Variants in WDR27 observed in about 807,000 individuals in gnomAD.
WDR27 encodes the protein WD repeat-containing protein 27.
In WDR27, 100 loss-of-function variants were observed where a neutral mutation model predicts 114.4. The observed-to-expected ratio is 0.87, with a 90% confidence interval of 0.74 to 1.03. The LOEUF is 1.03. WDR27 is among the 50% of genes least tolerant of loss of function. The pLI is 0.00. For synonymous variants in WDR27, 449 were observed against 423.1 expected, an observed-to-expected ratio of 1.06 and a Z score of -0.75; for missense variants, 1,129 against 1,092.9, an observed-to-expected ratio of 1.03 and a Z score of -0.47.
rs1474521503 is a variant in WDR27 at position 169,702,021 on chromosome 6, G to C, written c.-478C>G. 6 of 447,552 alleles carry C rather than the reference G, an allele frequency of 1.3e-5. No individual in the cohort carries two copies. The highest frequency in any genetic ancestry group is 2.2e-5 in the Non-Finnish European group (5 of 224,488). 27.7% of individuals were successfully genotyped at this position (447,552 alleles called of 1,614,324 possible). On this transcript the variant is annotated 5_prime_UTR_variant, in exon 1 of 26. Transcript: ENST00000448612. The stretch of plus-strand genomic sequence containing the variant: ...ACTTGCCAGCCGACCCACGCGAGCC[G>C]CTATGGTTACTAGCCCGCCGCCCCT...
intron 3 of WDR27, 126 bp downstream of exon 3, chr6:169,672,129 T>C: frequency 1.0e-6 from 1 of 979,714 alleles, no homozygotes. Context: ...AGTACAAAAT[T>C]ATCCCAAACC....
intron 17 of WDR27, among the ~76,000 whole-genome samples, chr6:169,642,874 C>G (rs1054524583): frequency 1.7e-4 from 26 of 152,190 alleles, no homozygotes; most frequent in Non-Finnish European, 1.0e-4. Flanking sequence ...CCCATATTCG[C>G]AATGCTTGGG....
intron 23 of WDR27, among the ~76,000 whole-genome samples, chr6:169,591,081 TC>T (rs1483004777): frequency 6.6e-6 from 1 of 152,174 alleles, no homozygotes. Context: ...AGTGGCTACC[TC>T]ATTTTGCATT....
intron 2 of WDR27, among the ~76,000 whole-genome samples, chr6:169,675,009 G>A (rs546286792): frequency 9.9e-5 from 15 of 152,142 alleles, no homozygotes; most frequent in East Asian, 5.8e-4. Flanking sequence ...CAGTTAAGGC[G>A]GGAACAGGCC....
At chr6:169,660,797 C>A in intron 9 of WDR27, 31 bp from the exon 10 acceptor site, 1 of 1,592,364 alleles carries the variant, frequency 6.3e-7, no homozygotes. Context: ...AAAGAATACA[C>A]AATAATCTTA....
chr6:169,567,553 G>A (rs972088494), intron 25 of WDR27, among the ~76,000 whole-genome samples: 3 of 152,122 alleles, frequency 2.0e-5, no homozygotes, highest in East Asian at 1.9e-4. Flanking sequence ...AGCACCAGGC[G>A]CAGACGCTCT....
chr6:169,464,063 A>G (rs965557577), intron 25 of WDR27, among the ~76,000 whole-genome samples: 2 of 152,242 alleles, frequency 1.3e-5, no homozygotes, highest in African/African-American at 4.8e-5. Flanking sequence ...AACTCTGAAT[A>G]GTAAAAACAA....
chr6:169,653,858 C>T (rs1016700831), intron 13 of WDR27, among the ~76,000 whole-genome samples: 3 of 152,350 alleles, frequency 2.0e-5, no homozygotes, highest in East Asian at 3.9e-4. Flanking sequence ...GGCCACTATG[C>T]GAGCTTCACC....
intron 25 of WDR27, among the ~76,000 whole-genome samples, chr6:169,552,973 GGTGTGTGTGT>G (rs3975497): frequency 0.022 from 1,380 of 61,772 alleles, 53 homozygotes; most frequent in African/African-American, 0.067. Context: ...GGGCCTGCCC[GGTGTGTGTGT>G]GTGTGTGTGT....
At chr6:169,573,788 T>G (rs1355134843) in intron 24 of WDR27, among the ~76,000 whole-genome samples, 1 of 152,260 alleles carries the variant, frequency 6.6e-6, no homozygotes, top group Non-Finnish European at 1.5e-5. Context: ...CTGAACTCCC[T>G]GTGTGAACAG....
intron 21 of WDR27, among the ~76,000 whole-genome samples, chr6:169,616,495 T>A (rs980395582): frequency 2.6e-5 from 4 of 151,124 alleles, no homozygotes; most frequent in Non-Finnish European, 1.5e-5. Flanking sequence ...TCCAAAAAAA[T>A]AAGAAGAAGA....
intron 25 of WDR27, among the ~76,000 whole-genome samples, chr6:169,534,253 G>A (rs925183449): frequency 6.6e-6 from 1 of 152,194 alleles, no homozygotes; most frequent in Non-Finnish European, 1.5e-5. Context: ...TGCTGATGGT[G>A]TGTAATCCTT....
Position 169,599,677 on chromosome 6 carries a change from G to A in WDR27, c.2424+2542C>T, listed in dbSNP as rs140520594. 2.8e-4 allele frequency among the ~76,000 whole-genome samples: 43 copies of A among 152,162 alleles called. No homozygotes were observed. In the East Asian group the frequency reaches 7.5e-3, roughly 27 times the overall value. ...TTCTTCTTTATTAGTCCTGCTAGCG[G>A]TCTATCAATTTTGTTGATCTTTTCA... On this transcript the variant is annotated intron_variant, in intron 23 of 25. Coordinates refer to ENST00000448612, the MANE Select transcript of WDR27 (RefSeq NM_182552.5).
At chr6:169,617,842 G>A (rs530226327) in intron 21 of WDR27, among the ~76,000 whole-genome samples, 17 of 152,284 alleles carry the variant, frequency 1.1e-4, no homozygotes, top group Non-Finnish European at 2.4e-4. Context: ...CAGTATTCGC[G>A]TTTACAAGCT....
chr6:169,632,417 T>TA (rs1055645773), intron 21 of WDR27, among the ~76,000 whole-genome samples: 4 of 152,186 alleles, frequency 2.6e-5, no homozygotes, highest in African/African-American at 9.7e-5. Context: ...TCCCAAGACT[T>TA]AGAGGCCCTC....
chr6:169,584,069 G>A (rs917236877), intron 23 of WDR27, among the ~76,000 whole-genome samples: 3 of 48,164 alleles, frequency 6.2e-5, no homozygotes, highest in African/African-American at 1.4e-4. Flanking sequence ...CCCCCTCCCC[G>A]CCTATGTCTA....
chr6:169,647,644 C>A, intron 16 of WDR27, 129 bp downstream of exon 16: 1 of 872,534 alleles, frequency 1.1e-6, no homozygotes, highest in Admixed American at 2.1e-5. Context: ...CCATGCCATG[C>A]AACTTCAAGT....
chr6:169,621,650 C>T (rs754436540), intron 21 of WDR27, among the ~76,000 whole-genome samples: 61 of 139,238 alleles, frequency 4.4e-4, no homozygotes, highest in Admixed American at 1.1e-3. Context: ...ATATACATAC[C>T]CACACATTCA....
the WDR27 span, among the ~76,000 whole-genome samples, chr6:169,441,791 C>T: frequency 6.6e-6 from 1 of 152,212 alleles, no homozygotes; most frequent in African/African-American, 2.4e-5. Context: ...TTTGGACATA[C>T]TGAAGACCAC....
Sources: allele counts gnomAD v4.1 joint callset (sites outside exome capture counted in the v4.1 genomes callset), GRCh38; gene constraint gnomAD v4.1.1; transcripts MANE v1.5; gene names NCBI Gene and HGNC (gene_info 2026-07-23, HGNC 2026-07-21).